PODNL1: variants seen among roughly 807,000 people sequenced by gnomAD.
PODNL1 encodes the protein podocan-like protein 1.
Under a neutral mutation model 45.1 loss-of-function variants are expected in PODNL1, and 50 were observed. The observed-to-expected ratio is 1.11, with a 90% confidence interval of 0.88 to 1.40. PODNL1 has a LOEUF of 1.40. PODNL1 is among the 40% of genes most tolerant of loss of function. PODNL1 has a pLI of 0.00. For synonymous variants in PODNL1, 406 were observed against 372.5 expected (o/e 1.09, Z -1.04); for missense variants, 788 against 793.3 (o/e 0.99, Z 0.08).
Position 13,933,939 on chromosome 19 carries a change from G to T in PODNL1, c.706C>A (p.Arg236Ser). ...TGGTTGTGCTGGAGGTAGAGCTCAC[G>T]GAGTTGAGTCTGGCGGCTCAGGGCT... Reference protein sequence around the residue: ...RGALSRQTQLRELYLQHNQLT... With the variant: ...RGALSRQTQLSELYLQHNQLT... The change falls in exon 7 of 10, where the codon CGT becomes AGT. Residue 236 changes from arginine to serine, a missense_variant. Arg to Ser is a moderately radical substitution (Grantham distance 110). Around this residue, in one of 3 missense-constraint regions of PODNL1, gnomAD observed 762 missense variants for 750.9 expected, o/e 1.01. Transcript: ENST00000588872. The surrounding 1 kb of genome is among the most constrained non-coding windows in gnomAD (Gnocchi z 5.2). 1.2e-6 allele frequency: 2 copies of T among 1,612,800 alleles called. No homozygotes were observed. The highest frequency in any genetic ancestry group is 2.2e-5 in the South Asian group (2 of 90,698).
rs868072183 is a variant in PODNL1, at chr19:13,938,198, G to A, written c.-17C>T. The A allele has an allele frequency of 3.1e-6, 5 of 1,607,856 alleles. No individual in the cohort carries two copies. The Admixed American group carries it at 5.0e-5, about 16-fold the overall frequency. ...CCTTACCATGGCCAGCCCTGACTCTGCCATCTCGCCCAAGCTGCTGACCAG... is the reference window on the plus strand; with the variant it reads ...CCTTACCATGGCCAGCCCTGACTCTACCATCTCGCCCAAGCTGCTGACCAG... On this transcript the variant is annotated 5_prime_UTR_variant, in exon 1 of 10. Coordinates refer to ENST00000588872, the MANE Select transcript of PODNL1 (RefSeq NM_001370095.3).
chr19:13,932,743 G>C (rs1247541600), intron 8 of PODNL1, 55 bp downstream of exon 8: 1 of 1,611,974 alleles, frequency 6.2e-7, no homozygotes, highest in African/African-American at 1.3e-5. Flanking sequence ...TGGCAGGGCA[G>C]GCAGGGGGAT....
intron 5 of PODNL1, 95 bp downstream of exon 5, chr19:13,935,626 C>T (rs751248904): frequency 1.8e-5 from 18 of 981,502 alleles, no homozygotes; most frequent in Non-Finnish European, 2.3e-5. Context: ...TGCACCCGGC[C>T]GAGGGCAAGG....
In PODNL1 at chr19:13,935,818, G is replaced by C. The variant is rs145828342; in HGVS notation, c.397C>G (p.Pro133Ala). The stretch of plus-strand genomic sequence containing the variant: ...CGGAGGGACCGGGGCAGAAACTGAG[G>C]GGCCACTGAGAGCTGTGGGGACACA... Reference protein sequence around the residue: ...CVAHNKLSVAPQFLPRSLRVA... With the variant: ...CVAHNKLSVAAQFLPRSLRVA... The change falls in exon 5 of 10, where the codon CCT (proline) becomes GCT (alanine). Residue 133 changes from proline to alanine, a missense_variant. By Grantham distance (27) the Pro-to-Ala change is conservative. Around this residue, in one of 3 missense-constraint regions of PODNL1, gnomAD observed 762 missense variants for 750.9 expected, o/e 1.01. Transcript: ENST00000588872. The C allele has an allele frequency of 2.3e-4, 370 of 1,602,638 alleles. 1 individual carries two copies. The African/African-American group carries it at 4.3e-3, about 19-fold the overall frequency.
chr19:13,945,732 ACCTCAG>A (rs939134194), intron 1 of PODNL1, among the ~76,000 whole-genome samples: 1 of 151,548 alleles, frequency 6.6e-6, no homozygotes, highest in Admixed American at 6.6e-5. Context: ...TGATCCACCC[ACCTCAG>A]CCTCCCAAAG....
At chr19:13,932,235 C>T in intron 8 of PODNL1, 123 bp from the exon 9 acceptor site, 1 of 1,211,590 alleles carries the variant, frequency 8.3e-7, no homozygotes, top group African/African-American at 1.6e-5. Flanking sequence ...TTCTGCCCCC[C>T]ACCCCCCATG....
rs140715588 is a variant in PODNL1 at position 13,932,007 on chromosome 19, C to T, written c.1531G>A (p.Glu511Lys). Reference protein sequence around the residue: ...EGNRIGHVGPEAFLSTPRLRA... With the variant: ...EGNRIGHVGPKAFLSTPRLRA... Reference sequence around the variant, plus strand: ...AGGCGGGGTGTGCTGAGGAAGGCCTCGGGGCCCACGTGGCCGATGCGGTTG... The same window carrying T: ...AGGCGGGGTGTGCTGAGGAAGGCCTTGGGGCCCACGTGGCCGATGCGGTTG... Residue 511 changes from glutamate to lysine, a missense_variant, in exon 9 of 10, where the codon GAG becomes AAG. By Grantham distance (56) the Glu-to-Lys change is moderately conservative (BLOSUM62 1). Around this residue, in one of 3 missense-constraint regions of PODNL1, gnomAD observed 762 missense variants for 750.9 expected, o/e 1.01. Coordinates refer to ENST00000588872, the MANE Select transcript of PODNL1 (RefSeq NM_001370095.3). 9,524 of 1,232,348 alleles carry T rather than the reference C, an allele frequency of 7.7e-3. 48 individuals carry two copies. The highest frequency in any genetic ancestry group is 0.012 in the Middle Eastern group (39 of 3,208). 76.3% of individuals were successfully genotyped at this position (1,232,348 alleles called of 1,614,324 possible).
chr19:13,934,078 G>C (rs1250562120), intron 6 of PODNL1, 85 bp from the exon 7 acceptor site: 4 of 1,403,112 alleles, frequency 2.9e-6, no homozygotes, highest in Non-Finnish European at 3.9e-6. Flanking sequence ...AGGGAGTGAC[G>C]AGGAGCTTGC....
intron 5 of PODNL1, among the ~76,000 whole-genome samples, chr19:13,935,143 AGT>A (rs144912314): frequency 0.011 from 1,644 of 148,562 alleles, 26 homozygotes; most frequent in African/African-American, 0.035. Flanking sequence ...AGTCTGTGTA[AGT>A]GTGTGTGTGT....
chr19:13,947,086 A>G (rs1972844749), intron 1 of PODNL1, among the ~76,000 whole-genome samples: 1 of 149,878 alleles, frequency 6.7e-6, no homozygotes, highest in African/African-American at 2.4e-5. Context: ...CACCTTTATA[A>G]TAATTGTTGT....
intron 1 of PODNL1, among the ~76,000 whole-genome samples, chr19:13,948,668 C>A (rs1972905125): frequency 6.7e-6 from 1 of 149,234 alleles, no homozygotes; most frequent in African/African-American, 2.5e-5. Flanking sequence ...TGGTGGCTCA[C>A]GCCTGTAATC....
At chr19:13,941,448 C>T (rs1332535077), upstream of PODNL1, among the ~76,000 whole-genome samples, 1 of 151,530 alleles carries the variant, frequency 6.6e-6, no homozygotes, top group African/African-American at 2.4e-5. Context: ...AGAAGCAGAG[C>T]TTGAGACAAG....
At chr19:13,937,531 G>A (rs990421263) in intron 2 of PODNL1, among the ~76,000 whole-genome samples, 23 of 144,640 alleles carry the variant, frequency 1.6e-4, no homozygotes, top group East Asian at 8.2e-4. Context: ...CACTATAACC[G>A]CCAAGATGTT....
intron 5 of PODNL1, 78 bp downstream of exon 5, chr19:13,935,643 C>A: frequency 8.7e-7 from 1 of 1,151,612 alleles, no homozygotes; most frequent in South Asian, 1.8e-5. Context: ...AAGGTCTTAA[C>A]TCCCTCATTG....
chr19:13,948,228 T>C (rs891506615), intron 1 of PODNL1, among the ~76,000 whole-genome samples: 7 of 151,174 alleles, frequency 4.6e-5, no homozygotes, highest in Admixed American at 1.3e-4. Flanking sequence ...AGACGGAGTC[T>C]TGATCAGTCG....
chr19:13,943,312 A>G (rs1199631741), upstream of PODNL1, among the ~76,000 whole-genome samples: 1 of 151,088 alleles, frequency 6.6e-6, no homozygotes, highest in East Asian at 1.9e-4. Context: ...AGAAGAAAAA[A>G]GAAAGAAAGA....
intron 1 of PODNL1, chr19:13,952,423 G>A (rs1012240650): frequency 8.1e-7 from 1 of 1,236,804 alleles, no homozygotes; most frequent in Non-Finnish European, 1.0e-6. Flanking sequence ...CCCAACCGGC[G>A]GGCCGCTGTC....
intron 1 of PODNL1, among the ~76,000 whole-genome samples, chr19:13,946,724 T>A (rs1346406762): frequency 6.6e-6 from 1 of 152,020 alleles, no homozygotes; most frequent in Non-Finnish European, 1.5e-5. Flanking sequence ...CATATACGTA[T>A]TAAGGGAGAG....
At position 13,933,490 on chromosome 19, in the gene PODNL1, C is replaced by G; in HGVS notation, c.768-35G>C. The stretch of plus-strand genomic sequence containing the variant: ...GAGAGGGTCGGTGTTAGGTGGGGCA[C>G]TTGGAGTGGGGTGCCTGACAGATTT... On this transcript the variant is annotated intron_variant, in intron 7 of 9. Coordinates refer to ENST00000588872, the MANE Select transcript of PODNL1 (RefSeq NM_001370095.3). The surrounding 1 kb of genome is among the most constrained non-coding windows in gnomAD (Gnocchi z 5.2). 1.3e-6 allele frequency: 2 copies of G among 1,521,474 alleles called. No homozygotes were observed. Among genetic ancestry groups the G allele is most frequent in the Non-Finnish European group, 1.8e-6 (2 of 1,138,608 alleles). 94.2% of individuals were successfully genotyped at this position (1,521,474 alleles called of 1,614,324 possible). A position where few individuals can be genotyped will look rare whatever the true frequency, so the allele number is the denominator to read the frequency against.
Sources: allele counts gnomAD v4.1 joint callset (sites outside exome capture counted in the v4.1 genomes callset), GRCh38; gene constraint gnomAD v4.1.1; regional missense constraint gnomAD v4.1.1; non-coding constraint Gnocchi (gnomAD v3.1); transcripts MANE v1.5; gene names NCBI Gene and HGNC (gene_info 2026-07-23, HGNC 2026-07-21).